The following BORCS5 variants were observed in gnomAD, a reference collection of about 807,000 sequenced individuals.
BORCS5 encodes BLOC-1-related complex subunit 5.
Under a neutral mutation model 22.1 loss-of-function variants are expected in BORCS5, and 17 were observed. That is an observed-to-expected ratio of 0.77 (90% CI 0.53 to 1.15). The LOEUF (loss-of-function observed/expected upper bound fraction) is 1.15. Among genes scored for constraint, BORCS5 ranks in the 50% most tolerant of loss-of-function variants. BORCS5 has a pLI of 0.00. For missense variants in BORCS5, 247 were observed against 253.2 expected, an observed-to-expected ratio of 0.98 and a Z score of 0.17; for synonymous variants, 117 against 99.8, an observed-to-expected ratio of 1.17 and a Z score of -1.03.
chr12:12,380,087 A>G (rs1022022248), intron 2 of BORCS5, among the ~76,000 whole-genome samples: 1 of 151,358 alleles, frequency 6.6e-6, no homozygotes, highest in South Asian at 2.1e-4. Context: ...GTCAGAGCAC[A>G]TGCAACACTT....
chr12:12,444,616 C>T (rs1017512736), intron 3 of BORCS5, among the ~76,000 whole-genome samples: 4 of 152,124 alleles, frequency 2.6e-5, no homozygotes, highest in Admixed American at 6.5e-5. Flanking sequence ...GTGTCATCTT[C>T]GAACTTAGAT....
At chr12:12,446,494 C>T (rs952855875) in intron 3 of BORCS5, among the ~76,000 whole-genome samples, 9 of 152,184 alleles carry the variant, frequency 5.9e-5, no homozygotes, top group Non-Finnish European at 8.8e-5. Context: ...TGCTCACTGT[C>T]GTGTTTATCT....
intron 2 of BORCS5, among the ~76,000 whole-genome samples, chr12:12,434,281 CAAA>C (rs139357200): frequency 0.034 from 2,619 of 76,538 alleles, 34 homozygotes; most frequent in African/African-American, 0.066. Flanking sequence ...GACTCTGTCT[CAAA>C]AAAAAAAAAA....
At chr12:12,415,404 G>C (rs559927660) in intron 2 of BORCS5, among the ~76,000 whole-genome samples, 1,728 of 151,124 alleles carry the variant, frequency 0.011, 2 homozygotes, top group African/African-American at 0.04. Context: ...ACGAAAACCA[G>C]TCAGGCGTGG....
At chr12:12,418,988 G>C (rs1179405006) in intron 2 of BORCS5, among the ~76,000 whole-genome samples, 1 of 151,922 alleles carries the variant, frequency 6.6e-6, no homozygotes, top group Non-Finnish European at 1.5e-5. Context: ...ATTTTTTGCA[G>C]TGAAACATTT....
chr12:12,459,704 T>C (rs1943068229), intron 3 of BORCS5, among the ~76,000 whole-genome samples: 1 of 152,244 alleles, frequency 6.6e-6, no homozygotes, highest in Non-Finnish European at 1.5e-5. Context: ...TATTAATTTC[T>C]TGTGTATGCA....
At chr12:12,414,315 G>T (rs1190910360) in intron 2 of BORCS5, among the ~76,000 whole-genome samples, 10 of 78,946 alleles carry the variant, frequency 1.3e-4, no homozygotes, top group Non-Finnish European at 1.8e-4. Flanking sequence ...CCCGGACGGG[G>T]CGGCTGGCCA....
intron 2 of BORCS5, among the ~76,000 whole-genome samples, chr12:12,423,765 T>G (rs1942205004): frequency 6.6e-6 from 1 of 152,172 alleles, no homozygotes; most frequent in African/African-American, 2.4e-5. Flanking sequence ...CTCAGCTCAC[T>G]GCAACCTCTG....
At chr12:12,406,852 G>C (rs1486268462) in intron 2 of BORCS5, among the ~76,000 whole-genome samples, 1 of 151,900 alleles carries the variant, frequency 6.6e-6, no homozygotes, top group Non-Finnish European at 1.5e-5. Context: ...GCTCTTTTGG[G>C]AAGGAAAGAA....
At chr12:12,439,421 A>G (rs1039211526) in intron 3 of BORCS5, among the ~76,000 whole-genome samples, 5 of 152,146 alleles carry the variant, frequency 3.3e-5, no homozygotes, top group Non-Finnish European at 7.4e-5. Context: ...TGAGCCCAGG[A>G]GTTCAAGACC....
At chr12:12,417,308 A>T (rs75376875) in intron 2 of BORCS5, among the ~76,000 whole-genome samples, 2 of 151,956 alleles carry the variant, frequency 1.3e-5, no homozygotes, top group Admixed American at 6.6e-5. Flanking sequence ...ACTTCATTCT[A>T]TTGTGGTGGA....
At chr12:12,401,482 A>T (rs989665148) in intron 2 of BORCS5, among the ~76,000 whole-genome samples, 10 of 152,216 alleles carry the variant, frequency 6.6e-5, no homozygotes, top group African/African-American at 2.4e-4. Flanking sequence ...CAAGATAACT[A>T]TAACATAGCT....
intron 3 of BORCS5, among the ~76,000 whole-genome samples, chr12:12,461,376 C>T (rs866562516): frequency 6.6e-6 from 1 of 151,844 alleles, no homozygotes; most frequent in African/African-American, 2.4e-5. Flanking sequence ...CTCAGTGTGT[C>T]GTCGTGGCTG....
chr12:12,423,397 A>G (rs960653147), intron 2 of BORCS5, among the ~76,000 whole-genome samples: 13 of 105,392 alleles, frequency 1.2e-4, no homozygotes, highest in Admixed American at 8.4e-4. Flanking sequence ...CCCCTTTAGC[A>G]TTTCTTGCAG....
rs185108176 is a variant in BORCS5 at position 12,432,258 on chromosome 12, A to G, written c.203-3370A>G. Among the ~76,000 whole-genome samples, 14 of 152,266 alleles carry G rather than the reference A, an allele frequency of 9.2e-5. No homozygotes were observed. The East Asian group carries it at 2.5e-3, about 27-fold the overall frequency. ...CACTGTTAATGGCACAAAATCGTTC[A>G]TTCCTTTTTCCATGGTGCCTCCTTC... On this transcript the variant is annotated intron_variant, in intron 2 of 3. Transcript: ENST00000314565.
intron 2 of BORCS5, among the ~76,000 whole-genome samples, chr12:12,386,944 A>C (rs1229012508): frequency 6.6e-6 from 1 of 150,710 alleles, no homozygotes; most frequent in Non-Finnish European, 1.5e-5. Context: ...GCTCACTGTA[A>C]CCTTGAACTC....
At chr12:12,458,436 A>G (rs1253177967) in intron 3 of BORCS5, among the ~76,000 whole-genome samples, 2 of 152,132 alleles carry the variant, frequency 1.3e-5, no homozygotes, top group African/African-American at 2.4e-5. Flanking sequence ...TTCATTCTGG[A>G]TGTAAGACTG....
intron 2 of BORCS5, among the ~76,000 whole-genome samples, chr12:12,398,878 A>G (rs1941408383): frequency 6.6e-6 from 1 of 152,198 alleles, no homozygotes; most frequent in South Asian, 2.1e-4. Flanking sequence ...TTATCTGGCT[A>G]CATGAGTGTC....
Position 12,361,375 on chromosome 12 carries a change from T to C in BORCS5, c.202+26T>C, listed in dbSNP as rs1205163786. On this transcript the variant is annotated intron_variant, in intron 2 of 3. Coordinates refer to ENST00000314565, the MANE Select transcript of BORCS5 (RefSeq NM_058169.6). ...GTAAAGGATTGCGTTTTGTTTTATC[T>C]GAACTTGCTGGAGACGTTTGTGTAG... The C allele has an allele frequency of 3.7e-6, 6 of 1,608,098 alleles. No individual in the cohort carries two copies. In the Admixed American group the frequency reaches 1.0e-4, roughly 27 times the overall value.
Sources: gnomAD v4.1 joint callset for allele counts (sites outside exome capture counted in the v4.1 genomes callset) on GRCh38, gnomAD v4.1.1 for gene constraint, MANE v1.5 for transcripts, NCBI Gene and HGNC (gene_info 2026-07-23, HGNC 2026-07-21) for gene names.